NASP: variants seen among roughly 807,000 people sequenced by gnomAD.
NASP encodes NASP histone chaperone.
Under a neutral mutation model 89.5 loss-of-function variants are expected in NASP, and 24 were observed. The ratio of observed to expected loss-of-function variants is 0.27; its 90% CI spans 0.19 to 0.38. The LOEUF (loss-of-function observed/expected upper bound fraction) is 0.38. NASP is among the 10% of genes least tolerant of loss of function. The probability of loss-of-function intolerance (pLI) is 1.00; values close to 1 mark genes in which losing one functional copy is unlikely to be tolerated. For missense variants in NASP, 848 were observed against 921.4 expected (o/e 0.92, Z 1.03); for synonymous variants, 306 against 324.7 (o/e 0.94, Z 0.62).
chr1:45,593,310 A>T (rs1280455209), intron 2 of NASP, among the ~76,000 whole-genome samples: 1 of 152,120 alleles, frequency 6.6e-6, no homozygotes, highest in East Asian at 1.9e-4. Flanking sequence ...AAGTGGGCTG[A>T]TCACTTGAGG....
Position 45,584,098 on chromosome 1 carries a change from T to G in NASP, c.-49T>G. 1 of 1,527,238 alleles carries G rather than the reference T, an allele frequency of 6.5e-7. No individual in the cohort carries two copies. Among genetic ancestry groups the G allele is most frequent in the Non-Finnish European group, 8.9e-7 (1 of 1,124,010 alleles). The allele number at this position is 1,527,238 out of a possible 1,614,324, so 94.6% of individuals were successfully genotyped here. ...TCTCTGGCGTCCCAAATTGCCTGTT[T>G]TTCTCGCAGGCTCTATTCCGTTCGC... is the stretch of plus-strand genomic sequence containing the variant. On this transcript the variant is annotated 5_prime_UTR_variant, in exon 1 of 15. Coordinates refer to ENST00000350030, the MANE Select transcript of NASP (RefSeq NM_002482.4).
chr1:45,614,517 A>T, intron 9 of NASP, 151 bp downstream of exon 9: 1 of 666,886 alleles, frequency 1.5e-6, no homozygotes, highest in South Asian at 1.9e-5. Flanking sequence ...TCCAAGTGGC[A>T]CTCAGTCTTC....
intron 2 of NASP, among the ~76,000 whole-genome samples, chr1:45,596,320 A>G (rs777346306): frequency 2.6e-5 from 4 of 152,144 alleles, no homozygotes; most frequent in East Asian, 1.9e-4. Context: ...CGTATACCCA[A>G]TCTTATCTTG....
chr1:45,586,874 A>G (rs998666292), intron 1 of NASP, among the ~76,000 whole-genome samples: 2 of 151,750 alleles, frequency 1.3e-5, no homozygotes, highest in African/African-American at 4.8e-5. Context: ...GGTTTTTTAA[A>G]TTTAGGAGAT....
intron 2 of NASP, among the ~76,000 whole-genome samples, chr1:45,592,216 C>T (rs776342459): frequency 1.2e-4 from 18 of 152,224 alleles, no homozygotes; most frequent in Non-Finnish European, 2.1e-4. Flanking sequence ...AACTCCCGAC[C>T]TCAGGTGATC....
chr1:45,603,525 C>T (rs184439785), intron 3 of NASP, among the ~76,000 whole-genome samples: 4 of 152,082 alleles, frequency 2.6e-5, no homozygotes, highest in African/African-American at 9.6e-5. Flanking sequence ...TGTCTGATTC[C>T]TGTCCTCTTT....
intron 5 of NASP, among the ~76,000 whole-genome samples, chr1:45,607,065 T>C (rs1411091304): frequency 6.6e-6 from 1 of 152,216 alleles, no homozygotes; most frequent in East Asian, 1.9e-4. Context: ...TTGGCATCTC[T>C]TACCTAACTG....
chr1:45,589,005 T>C (rs911599306), intron 1 of NASP: 1 of 159,534 alleles, frequency 6.3e-6, no homozygotes, highest in Non-Finnish European at 1.4e-5. Flanking sequence ...ATTAAATCCA[T>C]TAATCTATTC....
chr1:45,604,516 A>G (rs947766087), intron 3 of NASP, among the ~76,000 whole-genome samples: 5 of 152,224 alleles, frequency 3.3e-5, no homozygotes, highest in Non-Finnish European at 7.3e-5. Flanking sequence ...GGTTAAAGGT[A>G]GGATTTGAAT....
intron 2 of NASP, among the ~76,000 whole-genome samples, chr1:45,594,067 G>A (rs1290484778): frequency 1.3e-5 from 2 of 151,126 alleles, no homozygotes; most frequent in Admixed American, 6.6e-5. Flanking sequence ...GGCTAGGCGC[G>A]GTGGCTCACG....
At chr1:45,603,453 C>G (rs1643875651) in intron 3 of NASP, among the ~76,000 whole-genome samples, 1 of 152,074 alleles carries the variant, frequency 6.6e-6, no homozygotes, top group Non-Finnish European at 1.5e-5. Context: ...TTTCCTAAAC[C>G]CCTACTGCCT....
chr1:45,606,625 C>G, intron 5 of NASP, 34 bp downstream of exon 5: 1 of 1,414,888 alleles, frequency 7.1e-7, no homozygotes, highest in Non-Finnish European at 1.0e-6. Flanking sequence ...TCAAGAGATG[C>G]GACGTTGTAT....
Position 45,618,397 on chromosome 1 carries a change from G to T in NASP, c.*256G>T, listed in dbSNP as rs1644146436. ...ATTCCTATCTGTCTAACGTGGAGGT[G>T]ATCAAGTGTGGCTGTAGGCCTTTGT... On this transcript the variant is annotated 3_prime_UTR_variant, in exon 15 of 15. Coordinates refer to ENST00000350030, the MANE Select transcript of NASP (RefSeq NM_002482.4). 1 of 320,950 alleles carries T rather than the reference G, an allele frequency of 3.1e-6. No homozygotes were observed. The highest frequency in any genetic ancestry group is 6.0e-6 in the Non-Finnish European group (1 of 167,488). 19.9% of individuals were successfully genotyped at this position (320,950 alleles called of 1,614,324 possible). A position where few individuals can be genotyped will look rare whatever the true frequency, so the allele number is the denominator to read the frequency against.
At chr1:45,600,377 C>T (rs1419016293) in intron 2 of NASP, 1 of 1,275,756 alleles carries the variant, frequency 7.8e-7, no homozygotes, top group Non-Finnish European at 1.0e-6. Context: ...ACTTCATTCC[C>T]TCCCCAGCAA....
At chr1:45,615,586 A>C (rs958819517) in intron 11 of NASP, 115 bp downstream of exon 11, 12 of 952,998 alleles carry the variant, frequency 1.3e-5, no homozygotes, top group Non-Finnish European at 1.7e-5. Flanking sequence ...GGGCTCATCT[A>C]ATTATTCCTA....
intron 2 of NASP, among the ~76,000 whole-genome samples, chr1:45,595,588 C>T (rs1222265924): frequency 6.6e-6 from 1 of 152,098 alleles, no homozygotes; most frequent in Non-Finnish European, 1.5e-5. Context: ...AATGTAAGAT[C>T]AAAACTGTTA....
chr1:45,603,832 C>T (rs1270503810), intron 3 of NASP, among the ~76,000 whole-genome samples: 1 of 152,124 alleles, frequency 6.6e-6, no homozygotes, highest in Non-Finnish European at 1.5e-5. Context: ...TGGTCTCGAA[C>T]GCCCGACCTC....
At chr1:45,595,688 A>C (rs1570962565) in intron 2 of NASP, among the ~76,000 whole-genome samples, 2 of 152,244 alleles carry the variant, frequency 1.3e-5, no homozygotes, top group Admixed American at 1.3e-4. Context: ...ACATAAATCA[A>C]GGCAGTGGCA....
Position 45,605,027 on chromosome 1 carries a change from T to C in NASP, c.299+11T>C. Reference sequence around the variant, plus strand: ...TCTGGAGTTGGCAAGGTATGGATGTTGTATTTAAAAACTGAAGTTTCCTTG... The same window carrying C: ...TCTGGAGTTGGCAAGGTATGGATGTCGTATTTAAAAACTGAAGTTTCCTTG... On this transcript the variant is annotated intron_variant, in intron 4 of 14. Coordinates refer to ENST00000350030, the MANE Select transcript of NASP (RefSeq NM_002482.4). The C allele has an allele frequency of 6.3e-7, 1 of 1,593,954 alleles. No homozygotes were observed. The highest frequency in any genetic ancestry group is 8.6e-7 in the Non-Finnish European group (1 of 1,162,360).
Sources: allele counts gnomAD v4.1 joint callset (sites outside exome capture counted in the v4.1 genomes callset), GRCh38; gene constraint gnomAD v4.1.1; transcripts MANE v1.5; gene names NCBI Gene and HGNC (gene_info 2026-07-23, HGNC 2026-07-21).